The following RBM39 variants were observed in gnomAD, a reference collection of about 807,000 sequenced individuals.
RBM39 encodes RNA-binding protein 39.
In RBM39, 12 loss-of-function variants were observed where a neutral mutation model predicts 79.6. The observed-to-expected ratio is 0.15, with a 90% confidence interval of 0.10 to 0.24. RBM39 has a LOEUF of 0.24. RBM39 is among the 10% of genes least tolerant of loss of function. The pLI is 1.00. For missense variants in RBM39, 243 were observed against 653.4 expected (o/e 0.37, Z 6.85); for synonymous variants, 185 against 208.4 (o/e 0.89, Z 0.97).
chr20:35,739,829 A>C (rs2040336841), intron 2 of RBM39: 1 of 185,114 alleles, frequency 5.4e-6, no homozygotes, highest in South Asian at 9.4e-5. Context: ...ACAATCCAAA[A>C]CAAATGTATT....
chr20:35,720,745 C>A (rs566472623), intron 9 of RBM39, among the ~76,000 whole-genome samples: 1 of 152,284 alleles, frequency 6.6e-6, no homozygotes, highest in South Asian at 2.1e-4. Flanking sequence ...GCACTCCAGC[C>A]TGGGCAGCAG....
At position 35,702,866 on chromosome 20, in the gene RBM39, A is replaced by ATCAC. The variant is rs1484036497; in HGVS notation, c.*1611_*1614dup. 2 of 152,192 alleles carry ATCAC rather than the reference A, an allele frequency of 1.3e-5. No individual in the cohort carries two copies. Among genetic ancestry groups the ATCAC allele is most frequent in the African/African-American group, 2.4e-5 (1 of 41,442 alleles). The allele number at this position is 152,192 out of a possible 1,614,324, so 9.4% of individuals were successfully genotyped here. A position where few individuals can be genotyped will look rare whatever the true frequency, so the allele number is the denominator to read the frequency against. ...ACCTGGGAGATGGAGCTGAGATCACATCACTGCACTCCAGCCTGGGCCAAA... is the reference window on the plus strand; with the variant it reads ...ACCTGGGAGATGGAGCTGAGATCACATCACTCACTGCACTCCAGCCTGGGCCAAA... On this transcript the variant is annotated 3_prime_UTR_variant, in exon 17 of 17. Coordinates refer to ENST00000253363, the MANE Select transcript of RBM39 (RefSeq NM_184234.3).
At position 35,737,315 on chromosome 20, in the gene RBM39, G is replaced by A. The variant is rs114811863; in HGVS notation, c.101+1653C>T. ...TGAGGCGGAAGAATCGCTTAAGCCC[G>A]GGTGGCAGAGGTTGCAGTGAGCCAA... On this transcript the variant is annotated intron_variant, in intron 3 of 16. Coordinates refer to ENST00000253363, the MANE Select transcript of RBM39 (RefSeq NM_184234.3). Among the ~76,000 whole-genome samples, 14 of 148,620 alleles carry A rather than the reference G, an allele frequency of 9.4e-5. No homozygotes were observed. In the Middle Eastern group the frequency reaches 0.011, roughly 112 times the overall value.
At position 35,727,401 on chromosome 20, in the gene RBM39, C is replaced by CAAAAA. The variant is rs145051301; in HGVS notation, c.416+1906_416+1910dup. On this transcript the variant is annotated intron_variant, in intron 6 of 16. Coordinates refer to ENST00000253363, the MANE Select transcript of RBM39 (RefSeq NM_184234.3). ...GCAAATGCTTTCTAGCCGGGGGTCTCAAAAAAAAAAAAAAACACCCACAAT... is the reference window on the plus strand; with the variant it reads ...GCAAATGCTTTCTAGCCGGGGGTCTCAAAAAAAAAAAAAAAAAAAACACCCACAAT... Among the ~76,000 whole-genome samples, 498 of 108,818 alleles carry CAAAAA rather than the reference C, an allele frequency of 4.6e-3. 8 individuals carry two copies. Among genetic ancestry groups the CAAAAA allele is most frequent in the African/African-American group, 0.015 (474 of 31,760 alleles). The allele number at this position is 108,818 out of a possible 152,430, so 71.4% of individuals were successfully genotyped here.
In RBM39 at chr20:35,713,108, T is replaced by G; in HGVS notation, c.1097-12A>C. ...CTGCAAACCTGTACCTGTAAAAGAA[T>G]AGTCTTAAAGTTCCTACTATGTTGA... On this transcript the variant is annotated splice_polypyrimidine_tract_variant and intron_variant, in intron 11 of 16. Transcript: ENST00000253363. The G allele has an allele frequency of 1.2e-6, 2 of 1,611,040 alleles. No homozygotes were observed. The highest frequency in any genetic ancestry group is 1.7e-6 in the Non-Finnish European group (2 of 1,178,032).
chr20:35,724,424 C>T lies in RBM39; in HGVS notation c.687+146G>A, dbSNP rs2425104. 3,930 of 656,096 alleles carry T rather than the reference C, an allele frequency of 6.0e-3. 128 individuals are homozygous for T. In the African/African-American group the frequency reaches 0.069, roughly 11 times the overall value. 40.6% of individuals were successfully genotyped at this position (656,096 alleles called of 1,614,324 possible). ...AGAAAACTGTATCAATGTTAATAAACGCAAAGTTAAAAAAAAAAAAAAAGT... is the reference window on the plus strand; with the variant it reads ...AGAAAACTGTATCAATGTTAATAAATGCAAAGTTAAAAAAAAAAAAAAAGT... On this transcript the variant is annotated intron_variant, in intron 8 of 16. Coordinates refer to ENST00000253363, the MANE Select transcript of RBM39 (RefSeq NM_184234.3).
chr20:35,701,762 A>G lies in RBM39; in HGVS notation c.*2719T>C, dbSNP rs1319676397. Reference sequence around the variant, plus strand: ...GAGCGAGACTCTGTCTCAAAACAAAAAAAATTTGTATTCTTAGTAGAGACG... The same window carrying G: ...GAGCGAGACTCTGTCTCAAAACAAAGAAAATTTGTATTCTTAGTAGAGACG... On this transcript the variant is annotated 3_prime_UTR_variant, in exon 17 of 17. Transcript: ENST00000253363. 6.6e-6 allele frequency: 1 copy of G among 151,944 alleles called. No homozygotes were observed. Among genetic ancestry groups the G allele is most frequent in the Non-Finnish European group, 1.5e-5 (1 of 68,004 alleles). 9.4% of individuals were successfully genotyped at this position (151,944 alleles called of 1,614,324 possible).
intron 2 of RBM39, chr20:35,739,244 T>A (rs1178720581): frequency 1.8e-6 from 1 of 557,472 alleles, no homozygotes; most frequent in African/African-American, 1.9e-5. Context: ...ATTTTCCATA[T>A]TAACATGTTA....
rs1057198027 is a variant in RBM39, at chr20:35,702,973, G to C, written c.*1508C>G. 6.6e-6 allele frequency: 1 copy of C among 152,012 alleles called. No homozygotes were observed. Among genetic ancestry groups the C allele is most frequent in the Non-Finnish European group, 1.5e-5 (1 of 67,990 alleles). 9.4% of individuals were successfully genotyped at this position (152,012 alleles called of 1,614,324 possible). ...AATTAAATCACTAGAACAATTATTG[G>C]GATAAATGTCAAACAAAACGACTGA... On this transcript the variant is annotated 3_prime_UTR_variant, in exon 17 of 17. Transcript: ENST00000253363.
rs552816827 is a variant in RBM39 at position 35,737,474 on chromosome 20, T to C, written c.101+1494A>G. ...ACTCGGGAGGCTGAGGCAGGAGAAC[T>C]GCCTGAACCCAGGAGGCAGAGGTTG... On this transcript the variant is annotated intron_variant, in intron 3 of 16. Transcript: ENST00000253363. 1.8e-4 allele frequency among the ~76,000 whole-genome samples: 26 copies of C among 144,274 alleles called. No homozygotes were observed. The East Asian group carries it at 4.5e-3, about 25-fold the overall frequency. 94.6% of individuals were successfully genotyped at this position (144,274 alleles called of 152,430 possible). A position where few individuals can be genotyped will look rare whatever the true frequency, so the allele number is the denominator to read the frequency against.
At chr20:35,725,710 T>TG (rs2038589707) in intron 6 of RBM39, among the ~76,000 whole-genome samples, 1 of 150,996 alleles carries the variant, frequency 6.6e-6, no homozygotes, top group South Asian at 2.1e-4. Context: ...CCCCCAGGCT[T>TG]GGAGTGCAAC....
intron 3 of RBM39, chr20:35,734,889 T>A (rs1487608446): frequency 9.1e-6 from 14 of 1,544,028 alleles, no homozygotes; most frequent in Middle Eastern, 1.7e-4. Flanking sequence ...CAAATCCTGT[T>A]ACAACTTAAA....
At chr20:35,712,756 T>A (rs2036599854) in intron 12 of RBM39, among the ~76,000 whole-genome samples, 1 of 152,166 alleles carries the variant, frequency 6.6e-6, no homozygotes, top group African/African-American at 2.4e-5. Flanking sequence ...TCAATAAAAC[T>A]GATATATTTG....
intron 4 of RBM39, chr20:35,731,593 A>G (rs1213501990): frequency 8.7e-6 from 2 of 229,832 alleles, no homozygotes; most frequent in Non-Finnish European, 1.7e-5. Context: ...AAATACTGTA[A>G]CAGCCCAGAC....
chr20:35,709,113 T>C (rs887852721), intron 13 of RBM39, 111 bp downstream of exon 13: 3 of 927,386 alleles, frequency 3.2e-6, no homozygotes, highest in Non-Finnish European at 4.8e-6. Context: ...TGTGTCAAAA[T>C]TTGGTCCAAA....
chr20:35,713,940 A>G, intron 11 of RBM39: 1 of 455,322 alleles, frequency 2.2e-6, no homozygotes, highest in Non-Finnish European at 3.9e-6. Context: ...TAAGTATGAC[A>G]TATAAACACT....
Position 35,702,339 on chromosome 20 carries a change from C to G in RBM39, c.*2142G>C, listed in dbSNP as rs972916978. The G allele has an allele frequency of 6.6e-6, 1 of 152,200 alleles. No individual in the cohort carries two copies. Among genetic ancestry groups the G allele is most frequent in the Non-Finnish European group, 1.5e-5 (1 of 68,038 alleles). 9.4% of individuals were successfully genotyped at this position (152,200 alleles called of 1,614,324 possible). ...AACTGATTGGACATAAACAGTTTCA[C>G]TCAGAATGAGCTGTTTTCTATGCAC... On this transcript the variant is annotated 3_prime_UTR_variant, in exon 17 of 17. Transcript: ENST00000253363.
chr20:35,705,804 TAA>T (rs2035657048), intron 14 of RBM39, among the ~76,000 whole-genome samples: 1 of 151,416 alleles, frequency 6.6e-6, no homozygotes, highest in Non-Finnish European at 1.5e-5. Context: ...AAAAAAAAGT[TAA>T]AAGATACAGA....
intron 3 of RBM39, 93 bp downstream of exon 3, chr20:35,738,875 A>T: frequency 9.0e-7 from 1 of 1,116,380 alleles, no homozygotes; most frequent in Admixed American, 2.4e-5. Flanking sequence ...TTCAGAAGAG[A>T]ATTTTGTATA....
Sources: gnomAD v4.1 joint callset for allele counts (sites outside exome capture counted in the v4.1 genomes callset) on GRCh38, gnomAD v4.1.1 for gene constraint, MANE v1.5 for transcripts, NCBI Gene and HGNC (gene_info 2026-07-23, HGNC 2026-07-21) for gene names.